PPARGC1A: variants seen among roughly 807,000 people sequenced by gnomAD.
The protein encoded by PPARGC1A is PPARG coactivator 1 alpha, also known as peroxisome proliferator-activated receptor gamma coactivator 1-alpha.
PPARGC1A carries 25 observed loss-of-function variants against 88.7 expected under a neutral mutation model. The observed-to-expected ratio is 0.28, with a 90% CI of 0.21 to 0.39. The LOEUF (loss-of-function observed/expected upper bound fraction) is 0.39, where lower values mean the gene tolerates loss of function less well. Among genes scored for constraint, PPARGC1A ranks in the 10% least tolerant of loss-of-function variants. The probability of loss-of-function intolerance (pLI) is 1.00; values close to 1 mark genes in which losing one functional copy is unlikely to be tolerated. For missense variants in PPARGC1A, 880 were observed against 968.7 expected (o/e 0.91, Z 1.22); for synonymous variants, 363 against 355.6 (o/e 1.02, Z -0.24).
chr4:24,078,798 G>A, the PPARGC1A span, among the ~76,000 whole-genome samples: 18 of 151,930 alleles, frequency 1.2e-4, no homozygotes, highest in African/African-American at 3.9e-4. Context: ...TTTCTTCCCC[G>A]ATGCCATCTC....
At chr4:24,100,780 C>T in the PPARGC1A span, among the ~76,000 whole-genome samples, 1 of 152,122 alleles carries the variant, frequency 6.6e-6, no homozygotes, top group Non-Finnish European at 1.5e-5. Flanking sequence ...CAGGTAAGGC[C>T]GCTTGCGAGT....
upstream of PPARGC1A, among the ~76,000 whole-genome samples, chr4:23,903,797 C>T (rs185158229): frequency 1.8e-3 from 280 of 152,190 alleles, 3 homozygotes; most frequent in African/African-American, 5.8e-3. Context: ...CACTGACAAA[C>T]GAACAGCTTT....
chr4:23,965,361 C>T, the PPARGC1A span, among the ~76,000 whole-genome samples: 3 of 152,170 alleles, frequency 2.0e-5, no homozygotes, highest in African/African-American at 7.2e-5. Context: ...TAATGCTTGA[C>T]ACTATGTCTG....
chr4:24,255,720 C>T, the PPARGC1A span, among the ~76,000 whole-genome samples: 11 of 152,304 alleles, frequency 7.2e-5, no homozygotes, highest in Admixed American at 2.6e-4. Flanking sequence ...CTCGCTTCTT[C>T]TCCCAAATAA....
chr4:24,337,724 TTAAA>T, the PPARGC1A span, among the ~76,000 whole-genome samples: 2 of 148,624 alleles, frequency 1.3e-5, no homozygotes, highest in Non-Finnish European at 3.0e-5. Context: ...GTTGAGCAAA[TTAAA>T]TAACTTGTCC....
the PPARGC1A span, among the ~76,000 whole-genome samples, chr4:24,077,624 GGTGTGTGTGTGTGTGT>G: frequency 1.1e-3 from 148 of 130,960 alleles, 3 homozygotes; most frequent in South Asian, 0.014. Context: ...TGTGTCTAGG[GGTGTGTGTGTGTGTGT>G]GTGTGTGTGT....
chr4:24,079,823 C>T, the PPARGC1A span, among the ~76,000 whole-genome samples: 1 of 151,958 alleles, frequency 6.6e-6, no homozygotes, highest in Non-Finnish European at 1.5e-5. Flanking sequence ...AGTTTCTCAA[C>T]TAATATGTAA....
the PPARGC1A span, among the ~76,000 whole-genome samples, chr4:24,354,934 C>T: frequency 1.3e-5 from 2 of 151,998 alleles, no homozygotes; most frequent in African/African-American, 4.8e-5. Context: ...ACCCTTTTGT[C>T]GTTGGCTTGG....
the PPARGC1A span, among the ~76,000 whole-genome samples, chr4:24,400,810 T>C: frequency 1.9e-4 from 29 of 152,142 alleles, no homozygotes; most frequent in Admixed American, 3.9e-4. Flanking sequence ...GTGACGAAGA[T>C]GGTGATGATT....
intron 2 of PPARGC1A, among the ~76,000 whole-genome samples, chr4:23,878,631 A>G (rs1006251396): frequency 1.3e-5 from 2 of 152,148 alleles, no homozygotes; most frequent in African/African-American, 2.4e-5. Flanking sequence ...AGAAGTCTAA[A>G]ACCACAGTGC....
chr4:23,866,764 A>T (rs1210593053), intron 2 of PPARGC1A, among the ~76,000 whole-genome samples: 1 of 152,096 alleles, frequency 6.6e-6, no homozygotes. Context: ...GGGTCATTTC[A>T]GAGCTTTTTT....
At chr4:24,229,152 C>CTT in the PPARGC1A span, among the ~76,000 whole-genome samples, 345 of 60,912 alleles carry the variant, frequency 5.7e-3, 36 homozygotes, top group African/African-American at 0.011. Context: ...GTATCTGGAC[C>CTT]TTTTTTTTTT....
the PPARGC1A span, among the ~76,000 whole-genome samples, chr4:24,424,070 C>G: frequency 1.3e-5 from 2 of 152,062 alleles, no homozygotes; most frequent in African/African-American, 4.8e-5. Flanking sequence ...TTGGGGGAAA[C>G]TTTTACTGTA....
upstream of PPARGC1A, among the ~76,000 whole-genome samples, chr4:23,892,365 TC>T (rs1440332394): frequency 6.6e-6 from 1 of 151,730 alleles, no homozygotes; most frequent in Admixed American, 6.6e-5. Flanking sequence ...ATATTGCATT[TC>T]CCCCTCAAAT....
At chr4:24,093,050 C>T in the PPARGC1A span, among the ~76,000 whole-genome samples, 1 of 152,168 alleles carries the variant, frequency 6.6e-6, no homozygotes, top group Non-Finnish European at 1.5e-5. Flanking sequence ...ACCTAGGTGT[C>T]CGATGCTGTG....
chr4:24,161,137 G>C, the PPARGC1A span, among the ~76,000 whole-genome samples: 1 of 152,168 alleles, frequency 6.6e-6, no homozygotes, highest in African/African-American at 2.4e-5. Flanking sequence ...GCATGACTTG[G>C]GATTGCAGTG....
the PPARGC1A span, among the ~76,000 whole-genome samples, chr4:24,306,477 A>G: frequency 6.6e-6 from 1 of 152,240 alleles, no homozygotes; most frequent in Non-Finnish European, 1.5e-5. Flanking sequence ...ACTGGGTCAT[A>G]GGTTTACTCC....
the PPARGC1A span, among the ~76,000 whole-genome samples, chr4:24,094,616 T>A: frequency 6.6e-6 from 1 of 152,210 alleles, no homozygotes; most frequent in East Asian, 1.9e-4. Context: ...ATGCTACCGA[T>A]CACTTAGCAA....
chr4:24,324,820 C>A, the PPARGC1A span, among the ~76,000 whole-genome samples: 11 of 152,142 alleles, frequency 7.2e-5, no homozygotes, highest in Admixed American at 3.3e-4. Context: ...CCGCCTGTCC[C>A]CTCAGTCCCA....
Sources: allele counts gnomAD v4.1 joint callset (sites outside exome capture counted in the v4.1 genomes callset), GRCh38; gene constraint gnomAD v4.1.1; transcripts MANE v1.5; gene names NCBI Gene and HGNC (gene_info 2026-07-23, HGNC 2026-07-21).